CACNB2: variants seen among roughly 807,000 people sequenced by gnomAD.
The protein encoded by CACNB2 is calcium voltage-gated channel auxiliary subunit beta 2.
A neutral mutation model predicts 73.3 loss-of-function variants in CACNB2; 42 were observed. That is an observed-to-expected ratio of 0.57 (90% CI 0.45 to 0.74). The LOEUF (loss-of-function observed/expected upper bound fraction) is 0.74, where lower values mean the gene tolerates loss of function less well. CACNB2 is among the 30% of genes least tolerant of loss of function. The pLI is 0.00. For missense variants in CACNB2, 940 were observed against 853.0 expected (o/e 1.10, Z -1.27); for synonymous variants, 348 against 310.3 (o/e 1.12, Z -1.28).
rs532696172 is a variant in CACNB2 at position 18,161,744 on chromosome 10, T to C, written c.213+10769T>C. On this transcript the variant is annotated intron_variant, in intron 2 of 13. Coordinates refer to ENST00000324631, the MANE Select transcript of CACNB2 (RefSeq NM_201596.3). Reference sequence around the variant, plus strand: ...TTCAAGACCAGCCTGGCCAACATGCTGAAACCCTGTCTCTACTAAAAATAT... The same window carrying C: ...TTCAAGACCAGCCTGGCCAACATGCCGAAACCCTGTCTCTACTAAAAATAT... 4.6e-5 allele frequency among the ~76,000 whole-genome samples: 7 copies of C among 152,078 alleles called. No homozygotes were observed. In the East Asian group the frequency reaches 1.2e-3, roughly 25 times the overall value.
chr10:18,335,694 T>C (rs986524822), intron 2 of CACNB2, among the ~76,000 whole-genome samples: 2 of 152,066 alleles, frequency 1.3e-5, no homozygotes, highest in African/African-American at 4.8e-5. Context: ...GCATACATTT[T>C]TTCCTTAGTT....
At chr10:18,177,626 G>A (rs1183662774) in intron 2 of CACNB2, among the ~76,000 whole-genome samples, 2 of 151,926 alleles carry the variant, frequency 1.3e-5, no homozygotes, top group African/African-American at 2.4e-5. Flanking sequence ...GCAAGCATTT[G>A]GGGAAGAAAA....
intron 2 of CACNB2, among the ~76,000 whole-genome samples, chr10:18,279,152 A>G (rs1385524670): frequency 6.6e-6 from 1 of 152,222 alleles, no homozygotes; most frequent in African/African-American, 2.4e-5. Flanking sequence ...AATTAATCAA[A>G]TCTGAAAGGA....
chr10:18,379,750 G>A (rs770461530), intron 2 of CACNB2, among the ~76,000 whole-genome samples: 12 of 152,266 alleles, frequency 7.9e-5, no homozygotes, highest in South Asian at 2.1e-4. Context: ...GCAGTGATGC[G>A]ATCATAGCAC....
intron 2 of CACNB2, among the ~76,000 whole-genome samples, chr10:18,188,908 A>G (rs1300879391): frequency 1.3e-5 from 2 of 152,164 alleles, no homozygotes; most frequent in African/African-American, 4.8e-5. Context: ...CATTAGTACC[A>G]GAATAGACTC....
Position 18,140,767 on chromosome 10 carries a change from C to G in CACNB2, c.31C>G (p.Pro11Ala). ...CCAAAGGGACATGTCCAAGTCGCCT[C>G]CCACAGCGGCGGCGGCGGTGGCGCA... MVQRDMSKSP[P>A]TAAAAVAQEI... is the part of the protein sequence containing the mutation. Residue 11 changes from proline (P) to alanine (A), a missense_variant, in exon 1 of 14, where the codon CCC (proline) becomes GCC (alanine). By Grantham distance (27) the Pro-to-Ala change is conservative. Transcript: ENST00000324631. The G allele has an allele frequency of 1.9e-6, 3 of 1,597,128 alleles. No individual in the cohort carries two copies. Among genetic ancestry groups the G allele is most frequent in the Non-Finnish European group, 2.6e-6 (3 of 1,173,444 alleles).
chr10:18,218,250 C>G (rs774478432), intron 2 of CACNB2, among the ~76,000 whole-genome samples: 3 of 152,188 alleles, frequency 2.0e-5, no homozygotes, highest in Non-Finnish European at 2.9e-5. Context: ...TTTGTCCTTA[C>G]TGGAGTGACA....
At chr10:18,423,027 G>A (rs566720612) in intron 3 of CACNB2, among the ~76,000 whole-genome samples, 1 of 152,282 alleles carries the variant, frequency 6.6e-6, no homozygotes, top group Admixed American at 6.5e-5. Flanking sequence ...CTTTGTAGAG[G>A]CATAATAAAT....
At chr10:18,194,143 C>G (rs2034524825) in intron 2 of CACNB2, among the ~76,000 whole-genome samples, 1 of 152,158 alleles carries the variant, frequency 6.6e-6, no homozygotes. Flanking sequence ...GAGCTCACTG[C>G]TGTGGTTCCT....
At position 18,471,012 on chromosome 10, in the gene CACNB2, G is replaced by A. The variant is rs1266755681; in HGVS notation, c.334-27343G>A. Among the ~76,000 whole-genome samples, 5 of 152,090 alleles carry A rather than the reference G, an allele frequency of 3.3e-5. No homozygotes were observed. In the East Asian group the frequency reaches 9.7e-4, roughly 29 times the overall value. On this transcript the variant is annotated intron_variant, in intron 3 of 13. Transcript: ENST00000324631. ...AGCCATCGATGTGGTCAAATGAAAG[G>A]TGTTACACAGGGCCGGGTGCGGTGG...
At chr10:18,155,679 G>A (rs1315447059) in intron 2 of CACNB2, among the ~76,000 whole-genome samples, 1 of 152,174 alleles carries the variant, frequency 6.6e-6, no homozygotes, top group Non-Finnish European at 1.5e-5. Flanking sequence ...CAAGCAGTGG[G>A]TGATGGTTTC....
chr10:18,261,416 G>A lies in CACNB2; in HGVS notation c.213+110441G>A, dbSNP rs574685920. On this transcript the variant is annotated intron_variant, in intron 2 of 13. Coordinates refer to ENST00000324631, the MANE Select transcript of CACNB2 (RefSeq NM_201596.3). ...TCTTTCAGCTGTTTTTATTCCCTGT[G>A]CTGAACCAACCAGACAGTCGATCAT... 12 of 1,499,114 alleles carry A rather than the reference G, an allele frequency of 8.0e-6. No individual in the cohort carries two copies. The African/African-American group carries it at 1.5e-4, about 19-fold the overall frequency. 92.9% of individuals were successfully genotyped at this position (1,499,114 alleles called of 1,614,324 possible). A position where few individuals can be genotyped will look rare whatever the true frequency, so the allele number is the denominator to read the frequency against.
intron 3 of CACNB2, among the ~76,000 whole-genome samples, chr10:18,433,042 AT>A (rs145266380): frequency 0.015 from 2,275 of 151,010 alleles, 78 homozygotes; most frequent in South Asian, 0.12. Flanking sequence ...CTGTGTTTAC[AT>A]TTTTTTTTAC....
Position 18,540,879 on chromosome 10 carries a change from A to C in CACNB2, c.*1155A>C, listed in dbSNP as rs1469551447. 1 of 152,640 alleles carries C rather than the reference A, an allele frequency of 6.6e-6. No homozygotes were observed. The highest frequency in any genetic ancestry group is 1.5e-5 in the Non-Finnish European group (1 of 68,044). The allele number at this position is 152,640 out of a possible 1,614,324, so 9.5% of individuals were successfully genotyped here. ...GTGCTATATGTTGCTTTAACAACCC[A>C]TTGAGCAGTCAGGGAATGTGAGTAA... is the stretch of plus-strand genomic sequence containing the variant. On this transcript the variant is annotated 3_prime_UTR_variant, in exon 14 of 14. Coordinates refer to ENST00000324631, the MANE Select transcript of CACNB2 (RefSeq NM_201596.3).
intron 2 of CACNB2, among the ~76,000 whole-genome samples, chr10:18,188,000 T>C (rs2034229646): frequency 6.6e-6 from 1 of 152,154 alleles, no homozygotes; most frequent in Non-Finnish European, 1.5e-5. Context: ...TGCTGAAATA[T>C]TGTTTGGATT....
chr10:18,376,474 A>G (rs985411025), intron 2 of CACNB2, among the ~76,000 whole-genome samples: 3 of 152,234 alleles, frequency 2.0e-5, no homozygotes, highest in Non-Finnish European at 4.4e-5. Flanking sequence ...AATAATTGTA[A>G]GAGTTAATGA....
At chr10:18,311,107 C>A (rs1336275972) in intron 2 of CACNB2, among the ~76,000 whole-genome samples, 1 of 152,022 alleles carries the variant, frequency 6.6e-6, no homozygotes, top group Non-Finnish European at 1.5e-5. Context: ...TTTGGATTTT[C>A]TGCTTGTTTA....
intron 3 of CACNB2, among the ~76,000 whole-genome samples, chr10:18,469,960 T>C (rs770119528): frequency 3.3e-4 from 50 of 152,288 alleles, no homozygotes; most frequent in Non-Finnish European, 5.4e-4. Flanking sequence ...CATCTTTGAA[T>C]ACAACCCAAC....
intron 5 of CACNB2, among the ~76,000 whole-genome samples, chr10:18,503,163 T>G (rs1249455332): frequency 6.6e-6 from 1 of 152,338 alleles, no homozygotes; most frequent in Non-Finnish European, 1.5e-5. Context: ...AGTAAAGACA[T>G]GCAGATGAAC....
Sources: allele counts gnomAD v4.1 joint callset (sites outside exome capture counted in the v4.1 genomes callset), GRCh38; gene constraint gnomAD v4.1.1; transcripts MANE v1.5; gene names NCBI Gene and HGNC (gene_info 2026-07-23, HGNC 2026-07-21).